Variants in GRIA1 observed in about 807,000 individuals in gnomAD.
GRIA1 encodes glutamate ionotropic receptor AMPA type subunit 1, also known as glutamate receptor 1.
A neutral mutation model predicts 99.2 loss-of-function variants in GRIA1; 31 were observed. That is an observed-to-expected ratio of 0.31 (90% confidence interval 0.23 to 0.42). The LOEUF is 0.42. GRIA1 is among the 10% of genes least tolerant of loss of function. The probability of loss-of-function intolerance (pLI) is 1.00; values close to 1 mark genes in which losing one functional copy is unlikely to be tolerated. For missense variants in GRIA1, 782 were observed against 1,157.5 expected, an observed-to-expected ratio of 0.68 and a Z score of 4.71; for synonymous variants, 438 against 432.4, an observed-to-expected ratio of 1.01 and a Z score of -0.16.
intron 2 of GRIA1, among the ~76,000 whole-genome samples, chr5:153,617,992 C>T (rs916932304): frequency 6.6e-6 from 1 of 152,162 alleles, no homozygotes; most frequent in African/African-American, 2.4e-5. Context: ...ATTAAAAGAT[C>T]CTGGATTTAT....
chr5:153,691,738 C>T (rs1251144656), intron 8 of GRIA1, among the ~76,000 whole-genome samples: 1 of 152,168 alleles, frequency 6.6e-6, no homozygotes, highest in Non-Finnish European at 1.5e-5. Flanking sequence ...CTCACCACCT[C>T]TCTCCATTTC....
chr5:153,508,407 A>C (rs1420429142), intron 2 of GRIA1, among the ~76,000 whole-genome samples: 1 of 152,190 alleles, frequency 6.6e-6, no homozygotes, highest in Admixed American at 6.5e-5. Flanking sequence ...AGTGACTGTC[A>C]TATTAGACAG....
chr5:153,764,339 T>C, intron 11 of GRIA1, 95 bp from the exon 12 acceptor site: 1 of 885,404 alleles, frequency 1.1e-6, no homozygotes, highest in Non-Finnish European at 1.9e-6. Flanking sequence ...GCCTGACCGC[T>C]CTGCTGCCAA....
At chr5:153,555,364 T>C (rs572921683) in intron 2 of GRIA1, among the ~76,000 whole-genome samples, 95 of 152,046 alleles carry the variant, frequency 6.2e-4, no homozygotes, top group Non-Finnish European at 6.3e-4. Context: ...CGCGCATTCC[T>C]ACCAACGAAG....
intron 2 of GRIA1, among the ~76,000 whole-genome samples, chr5:153,576,926 TTGGATGGATGGA>T (rs574916178): frequency 0.14 from 18,180 of 129,388 alleles, 2,072 homozygotes; most frequent in East Asian, 0.56. Flanking sequence ...TCAATAAATA[TTGGATGGATGGA>T]TGGATGGATG....
intron 13 of GRIA1, among the ~76,000 whole-genome samples, chr5:153,787,789 C>T (rs757789948): frequency 1.3e-5 from 2 of 152,126 alleles, no homozygotes; most frequent in Non-Finnish European, 2.9e-5. Flanking sequence ...ACAAAACTGA[C>T]TCTCCACTTG....
chr5:153,569,791 T>C (rs1310730349), intron 2 of GRIA1, among the ~76,000 whole-genome samples: 3 of 152,212 alleles, frequency 2.0e-5, no homozygotes, highest in Non-Finnish European at 2.9e-5. Context: ...TTTCTGTGTA[T>C]ATATTAGCTC....
chr5:153,494,429 A>C (rs1754218626), intron 2 of GRIA1: 1 of 191,434 alleles, frequency 5.2e-6, no homozygotes, highest in Admixed American at 5.5e-5. Context: ...GTTTGTGAAA[A>C]TGTGGTTTAA....
At chr5:153,613,546 T>C (rs984751867) in intron 2 of GRIA1, among the ~76,000 whole-genome samples, 14 of 152,170 alleles carry the variant, frequency 9.2e-5, no homozygotes, top group Admixed American at 9.2e-4. Context: ...TAGCCGCTTC[T>C]TTCCTTCTTT....
At chr5:153,628,815 T>A (rs753319602) in intron 2 of GRIA1, among the ~76,000 whole-genome samples, 30 of 152,220 alleles carry the variant, frequency 2.0e-4, no homozygotes, top group Non-Finnish European at 4.1e-4. Context: ...AAGTCCTACC[T>A]TGGATGGTCC....
intron 11 of GRIA1, among the ~76,000 whole-genome samples, chr5:153,762,655 G>T (rs1763261471): frequency 6.6e-6 from 1 of 152,132 alleles, no homozygotes; most frequent in Non-Finnish European, 1.5e-5. Context: ...AACCCCATGT[G>T]AACCTTGACC....
intron 13 of GRIA1, among the ~76,000 whole-genome samples, chr5:153,774,555 A>C (rs1046862959): frequency 6.6e-6 from 1 of 152,172 alleles, no homozygotes; most frequent in African/African-American, 2.4e-5. Context: ...TCACAGGCAG[A>C]TGTCCTCCAG....
At chr5:153,760,958 G>A (rs543972397) in intron 11 of GRIA1, among the ~76,000 whole-genome samples, 1 of 152,192 alleles carries the variant, frequency 6.6e-6, no homozygotes, top group East Asian at 1.9e-4. Context: ...AAATGGTGCT[G>A]GGAAAATTGG....
At chr5:153,691,547 A>G (rs531229444) in intron 8 of GRIA1, among the ~76,000 whole-genome samples, 6 of 152,326 alleles carry the variant, frequency 3.9e-5, no homozygotes, top group Non-Finnish European at 8.8e-5. Flanking sequence ...AAACAAGACT[A>G]AAGGGACACA....
intron 11 of GRIA1, among the ~76,000 whole-genome samples, chr5:153,714,627 T>C (rs1759539961): frequency 6.6e-6 from 1 of 152,190 alleles, no homozygotes; most frequent in Non-Finnish European, 1.5e-5. Context: ...AGAAACCCAG[T>C]TGTTCACCTG....
At chr5:153,637,973 G>T (rs772507083) in intron 2 of GRIA1, among the ~76,000 whole-genome samples, 3 of 152,080 alleles carry the variant, frequency 2.0e-5, no homozygotes, top group Non-Finnish European at 4.4e-5. Context: ...CTCAATTGCA[G>T]GTGAAAAGGC....
chr5:153,720,899 A>G (rs1489609791), intron 11 of GRIA1, among the ~76,000 whole-genome samples: 1 of 152,220 alleles, frequency 6.6e-6, no homozygotes, highest in Non-Finnish European at 1.5e-5. Flanking sequence ...GTATAGTCTC[A>G]TTAGGAAGAT....
intron 8 of GRIA1, among the ~76,000 whole-genome samples, chr5:153,691,174 C>A (rs923246905): frequency 6.6e-6 from 1 of 152,160 alleles, no homozygotes; most frequent in African/African-American, 2.4e-5. Flanking sequence ...AGGATGGGTA[C>A]TTGCTCTACT....
chr5:153,533,606 A>G (rs1758284363), intron 2 of GRIA1, among the ~76,000 whole-genome samples: 2 of 152,086 alleles, frequency 1.3e-5, no homozygotes, highest in Admixed American at 6.5e-5. Flanking sequence ...AATGTTGTGA[A>G]AGAAGGTGAT....
Sources: allele counts gnomAD v4.1 joint callset (sites outside exome capture counted in the v4.1 genomes callset), GRCh38; gene constraint gnomAD v4.1.1; transcripts MANE v1.5; gene names NCBI Gene and HGNC (gene_info 2026-07-23, HGNC 2026-07-21).